Variants in RAPGEF2 observed in about 807,000 individuals in gnomAD.
RAPGEF2 encodes the protein Rap guanine nucleotide exchange factor 2.
RAPGEF2 carries 54 observed loss-of-function variants against 186.7 expected under a neutral mutation model. The observed-to-expected ratio is 0.29, with a 90% CI of 0.23 to 0.36. The LOEUF is 0.36. Among genes scored for constraint, RAPGEF2 ranks in the 10% least tolerant of loss-of-function variants. The probability of loss-of-function intolerance (pLI) is 1.00; values close to 1 mark genes in which losing one functional copy is unlikely to be tolerated. For missense variants in RAPGEF2, 1,532 were observed against 2,045.0 expected (o/e 0.75, Z 4.84); for synonymous variants, 712 against 705.9 (o/e 1.01, Z -0.14).
intron 7 of RAPGEF2, among the ~76,000 whole-genome samples, chr4:159,251,105 G>A (rs1755308596): frequency 6.6e-6 from 1 of 152,194 alleles, no homozygotes; most frequent in South Asian, 2.1e-4. Flanking sequence ...CGCCAGCACT[G>A]CCAGCTGGCC....
chr4:159,141,584 A>G lies in RAPGEF2; in HGVS notation c.69+37353A>G, dbSNP rs896675330. Reference sequence around the variant, plus strand: ...GTGGAATTATGGAGACTAAGTGTGTATATATATATATTTATATATATTTTT... The same window carrying G: ...GTGGAATTATGGAGACTAAGTGTGTGTATATATATATTTATATATATTTTT... On this transcript the variant is annotated intron_variant, in intron 1 of 29. Transcript: ENST00000691494. Among the ~76,000 whole-genome samples the G allele has an allele frequency of 3.5e-5, 5 of 140,876 alleles. No homozygotes were observed. In the South Asian group the frequency reaches 9.0e-4, roughly 25 times the overall value. The allele number at this position is 140,876 out of a possible 152,430, so 92.4% of individuals were successfully genotyped here.
intron 4 of RAPGEF2, among the ~76,000 whole-genome samples, chr4:159,214,348 A>G (rs999696397): frequency 6.6e-6 from 1 of 152,214 alleles, no homozygotes; most frequent in African/African-American, 2.4e-5. Flanking sequence ...TTCCTACATA[A>G]TATTTTCAAA....
intron 7 of RAPGEF2, among the ~76,000 whole-genome samples, chr4:159,256,518 A>G (rs1756185316): frequency 6.6e-6 from 1 of 152,076 alleles, no homozygotes. Flanking sequence ...TATGTGTGTG[A>G]GTATCTTTGT....
intron 1 of RAPGEF2, among the ~76,000 whole-genome samples, chr4:159,111,032 C>A (rs532147096): frequency 4.4e-4 from 67 of 151,020 alleles, no homozygotes; most frequent in East Asian, 1.5e-3. Flanking sequence ...AAAAAAAAAA[C>A]CACCCTTGTT....
At chr4:159,129,281 T>C (rs1247688082) in intron 1 of RAPGEF2, among the ~76,000 whole-genome samples, 1 of 152,176 alleles carries the variant, frequency 6.6e-6, no homozygotes, top group African/African-American at 2.4e-5. Flanking sequence ...TCTAGTTATC[T>C]CTTAAGAGTT....
intron 20 of RAPGEF2, among the ~76,000 whole-genome samples, chr4:159,342,460 G>A (rs1041222927): frequency 2.0e-5 from 3 of 151,326 alleles, no homozygotes; most frequent in African/African-American, 7.3e-5. Flanking sequence ...TTGATGTTGA[G>A]GGTGATTATT....
intron 1 of RAPGEF2, among the ~76,000 whole-genome samples, chr4:159,175,664 G>C (rs1746381362): frequency 6.6e-6 from 1 of 152,282 alleles, no homozygotes. Flanking sequence ...TCACTTGCGA[G>C]ACCGGCGACT....
chr4:159,122,012 C>G (rs1488463336), intron 1 of RAPGEF2, among the ~76,000 whole-genome samples: 2 of 127,998 alleles, frequency 1.6e-5, no homozygotes, highest in Non-Finnish European at 3.1e-5. Context: ...GCACTCCAGC[C>G]TGGGAGACAG....
In RAPGEF2 at chr4:159,238,761, T is replaced by A. The variant is rs768986753; in HGVS notation, c.282-48T>A. ...GCTTATGTTCACAAATCATACTACTTAAATCTCTGAGGTTCTCCTCATTGA... is the reference window on the plus strand; with the variant it reads ...GCTTATGTTCACAAATCATACTACTAAAATCTCTGAGGTTCTCCTCATTGA... On this transcript the variant is annotated intron_variant, in intron 4 of 29. Transcript: ENST00000691494. The A allele has an allele frequency of 7.1e-6, 10 of 1,404,370 alleles. No homozygotes were observed. In the South Asian group the frequency reaches 1.1e-4, roughly 15 times the overall value. 87.0% of individuals were successfully genotyped at this position (1,404,370 alleles called of 1,614,324 possible).
chr4:159,236,605 C>T (rs1220297126), intron 4 of RAPGEF2, among the ~76,000 whole-genome samples: 4 of 151,646 alleles, frequency 2.6e-5, no homozygotes, highest in South Asian at 2.1e-4. Context: ...CATTTAAAAA[C>T]GCATAAACAT....
intron 7 of RAPGEF2, among the ~76,000 whole-genome samples, chr4:159,296,920 A>G (rs75135058): frequency 0.016 from 2,483 of 152,352 alleles, 55 homozygotes; most frequent in African/African-American, 0.056. Flanking sequence ...GCTTTGAAAC[A>G]TTAGTCACCT....
chr4:159,278,425 C>A (rs1331591613), intron 7 of RAPGEF2, among the ~76,000 whole-genome samples: 1 of 152,162 alleles, frequency 6.6e-6, no homozygotes, highest in Non-Finnish European at 1.5e-5. Flanking sequence ...CCCTAAGGAA[C>A]CTGAGTACTG....
At chr4:159,141,434 A>G (rs1239886255) in intron 1 of RAPGEF2, among the ~76,000 whole-genome samples, 1 of 152,066 alleles carries the variant, frequency 6.6e-6, no homozygotes, top group Non-Finnish European at 1.5e-5. Flanking sequence ...AAGGATGAAC[A>G]TTTAGCTTGT....
At chr4:159,343,956 A>C in intron 22 of RAPGEF2, 80 bp from the exon 23 acceptor site, 8 of 1,396,506 alleles carry the variant, frequency 5.7e-6, no homozygotes, top group Non-Finnish European at 8.1e-6. Flanking sequence ...CCAGAAGTCT[A>C]GTCCTTTCTT....
Position 159,138,987 on chromosome 4 carries a change from A to G in RAPGEF2, c.69+34756A>G, listed in dbSNP as rs1048522301. 3.3e-5 allele frequency among the ~76,000 whole-genome samples: 5 copies of G among 152,252 alleles called. No homozygotes were observed. The South Asian group carries it at 1.0e-3, about 31-fold the overall frequency. On this transcript the variant is annotated intron_variant, in intron 1 of 29. Coordinates refer to ENST00000691494, the MANE Select transcript of RAPGEF2 (RefSeq NM_001394067.2). ...TAAATTTTCCATGAAATAGAGTCTCAGGCAACTTGGTGCATCTGACTAGGT... is the reference window on the plus strand; with the variant it reads ...TAAATTTTCCATGAAATAGAGTCTCGGGCAACTTGGTGCATCTGACTAGGT...
chr4:159,293,100 A>G (rs1469462082), intron 7 of RAPGEF2, among the ~76,000 whole-genome samples: 1 of 152,138 alleles, frequency 6.6e-6, no homozygotes, highest in Non-Finnish European at 1.5e-5. Context: ...TATATACAAA[A>G]TTTGTGTGCT....
chr4:159,275,139 C>G (rs112073043), intron 7 of RAPGEF2, among the ~76,000 whole-genome samples: 77 of 148,274 alleles, frequency 5.2e-4, no homozygotes, highest in East Asian at 2.3e-3. Flanking sequence ...TGTGATACAT[C>G]ATATCTTTAT....
chr4:159,198,338 T>C (rs34638767), intron 3 of RAPGEF2, among the ~76,000 whole-genome samples: 10 of 136,712 alleles, frequency 7.3e-5, no homozygotes, highest in Non-Finnish European at 1.1e-4. Context: ...TTCTTTCTTT[T>C]TCTTTCTCTC....
chr4:159,173,064 G>A (rs7661634), intron 1 of RAPGEF2, among the ~76,000 whole-genome samples: 72,850 of 151,900 alleles, frequency 0.48, 19,097 homozygotes, highest in African/African-American at 0.7. Flanking sequence ...TACATATGTC[G>A]AATATTCTCA....
Sources: allele counts gnomAD v4.1 joint callset (sites outside exome capture counted in the v4.1 genomes callset), GRCh38; gene constraint gnomAD v4.1.1; transcripts MANE v1.5; gene names NCBI Gene and HGNC (gene_info 2026-07-23, HGNC 2026-07-21).